The following DENND1A variants were observed in gnomAD, a reference collection of about 807,000 sequenced individuals.
DENND1A encodes DENN domain containing 1A.
A neutral mutation model predicts 113.7 loss-of-function variants in DENND1A; 51 were observed. That is an observed-to-expected ratio of 0.45 (90% CI 0.36 to 0.57). The LOEUF (loss-of-function observed/expected upper bound fraction) is 0.57, where lower values mean the gene tolerates loss of function less well. Among genes scored for constraint, DENND1A ranks in the 20% least tolerant of loss-of-function variants. The pLI, the probability that DENND1A is intolerant of heterozygous loss-of-function variation, is 0.00. For synonymous variants in DENND1A, 565 were observed against 570.8 expected (o/e 0.99, Z 0.14); for missense variants, 1,258 against 1,395.9 (o/e 0.90, Z 1.57).
At chr9:123,711,117 T>C (rs1023051687) in intron 5 of DENND1A, among the ~76,000 whole-genome samples, 3 of 152,142 alleles carry the variant, frequency 2.0e-5, no homozygotes, top group African/African-American at 7.2e-5. Context: ...AATATATACA[T>C]GTATCAAAAC....
intron 13 of DENND1A, among the ~76,000 whole-genome samples, chr9:123,473,982 CTTTCTTTTTTT>C (rs1393918981): frequency 1.5e-4 from 16 of 107,934 alleles, no homozygotes; most frequent in African/African-American, 6.2e-4. Flanking sequence ...CGTTTACTTT[CTTTCTTTTTTT>C]TTTTTTTTTT....
chr9:123,401,489 C>A, intron 21 of DENND1A: 1 of 1,199,908 alleles, frequency 8.3e-7, no homozygotes, highest in Non-Finnish European at 1.0e-6. Flanking sequence ...TGAAACGTAC[C>A]CCTCTGTCTC....
chr9:123,387,681 G>T (rs1324030440), intron 22 of DENND1A, 49 bp downstream of exon 22: 1 of 1,283,912 alleles, frequency 7.8e-7, no homozygotes, highest in African/African-American at 1.5e-5. Context: ...ATGCAGCCCC[G>T]CAGAGTCACC....
intron 2 of DENND1A, among the ~76,000 whole-genome samples, chr9:123,863,529 G>A (rs903782197): frequency 5.3e-5 from 8 of 151,338 alleles, no homozygotes; most frequent in Admixed American, 1.3e-4. Context: ...CTAATCCTTC[G>A]AACACTTGTT....
At chr9:123,734,531 T>A (rs1420001113) in intron 5 of DENND1A, among the ~76,000 whole-genome samples, 1 of 152,050 alleles carries the variant, frequency 6.6e-6, no homozygotes, top group Admixed American at 6.6e-5. Flanking sequence ...TTAGCCTAAG[T>A]CAAATAAGGC....
In DENND1A at chr9:123,811,090, G is replaced by A. The variant is rs191709179; in HGVS notation, c.89-18460C>T. Among the ~76,000 whole-genome samples, 71 of 152,180 alleles carry A rather than the reference G, an allele frequency of 4.7e-4. 1 individual carries two copies. The highest frequency in any genetic ancestry group is 1.6e-4 in the Non-Finnish European group (11 of 68,008). Reference sequence around the variant, plus strand: ...CTGAACCTTTTCATCCATCTTGCTTGAAGCCTGGACTAGACCCTGTTATGC... The same window carrying A: ...CTGAACCTTTTCATCCATCTTGCTTAAAGCCTGGACTAGACCCTGTTATGC... On this transcript the variant is annotated intron_variant, in intron 2 of 23. Transcript: ENST00000394215.
chr9:123,507,518 C>T (rs2053059145), intron 13 of DENND1A, among the ~76,000 whole-genome samples: 1 of 152,214 alleles, frequency 6.6e-6, no homozygotes, highest in African/African-American at 2.4e-5. Context: ...TACAAGTTCT[C>T]CCTCCCAAGT....
chr9:123,645,291 A>G (rs1400286837), intron 9 of DENND1A, among the ~76,000 whole-genome samples: 1 of 152,202 alleles, frequency 6.6e-6, no homozygotes, highest in Non-Finnish European at 1.5e-5. Context: ...TCTGAGGAGC[A>G]TTAAGCCTCC....
chr9:123,836,094 T>A (rs1357909019), intron 2 of DENND1A, among the ~76,000 whole-genome samples: 1 of 152,164 alleles, frequency 6.6e-6, no homozygotes, highest in East Asian at 1.9e-4. Flanking sequence ...ATGTTAAGTT[T>A]CAGGATAACA....
At chr9:123,608,576 A>G (rs1274435901) in intron 11 of DENND1A, among the ~76,000 whole-genome samples, 1 of 152,230 alleles carries the variant, frequency 6.6e-6, no homozygotes, top group Non-Finnish European at 1.5e-5. Flanking sequence ...AAAGCACAGA[A>G]AAGTCCTTTA....
intron 8 of DENND1A, among the ~76,000 whole-genome samples, chr9:123,652,987 A>G (rs2062740168): frequency 6.6e-6 from 1 of 152,178 alleles, no homozygotes; most frequent in African/African-American, 2.4e-5. Context: ...AATTTCTTCA[A>G]TGTTACAGGT....
At chr9:123,910,605 G>A (rs144173458) in intron 1 of DENND1A, among the ~76,000 whole-genome samples, 9 of 152,280 alleles carry the variant, frequency 5.9e-5, no homozygotes, top group African/African-American at 2.2e-4. Context: ...AGAAAGGAAA[G>A]GATCAATAAA....
Position 123,734,426 on chromosome 9 carries a change from G to C in DENND1A, c.302+23277C>G, listed in dbSNP as rs568475505. ...CCTTCAGATCCTGGGCCATGTGAAA[G>C]TGGGGAAAGTGCATGTCTCGGGGAT... On this transcript the variant is annotated intron_variant, in intron 5 of 23. Coordinates refer to ENST00000394215, the MANE Select transcript of DENND1A (RefSeq NM_001352964.2). Among the ~76,000 whole-genome samples, 3 of 152,236 alleles carry C rather than the reference G, an allele frequency of 2.0e-5. No individual in the cohort carries two copies. The East Asian group carries it at 5.8e-4, about 29-fold the overall frequency.
At position 123,384,049 on chromosome 9, in the gene DENND1A, C is replaced by A. The variant is rs1017373964; in HGVS notation, c.1761-136G>T. 44 of 1,210,718 alleles carry A rather than the reference C, an allele frequency of 3.6e-5. No homozygotes were observed. The Admixed American group carries it at 4.8e-4, about 13-fold the overall frequency. 75.0% of individuals were successfully genotyped at this position (1,210,718 alleles called of 1,614,324 possible). On this transcript the variant is annotated intron_variant, in intron 22 of 23. Transcript: ENST00000394215. ...GGGACAGGAGAGTGTCCCGGGGTCT[C>A]CGTGAGGGCAGGAGTCTGGGAGGCT...
At chr9:123,670,525 G>A (rs946397836) in intron 7 of DENND1A, among the ~76,000 whole-genome samples, 2 of 152,184 alleles carry the variant, frequency 1.3e-5, no homozygotes, top group East Asian at 1.9e-4. Context: ...GATCACTCAG[G>A]TCATTGGCAA....
At chr9:123,679,965 G>C (rs73580155) in intron 5 of DENND1A, among the ~76,000 whole-genome samples, 8,777 of 152,154 alleles carry the variant, frequency 0.058, 295 homozygotes, top group South Asian at 0.09. Context: ...GACTATGGTG[G>C]GCTCTGTCCA....
chr9:123,889,000 G>GTC (rs1554804316), intron 1 of DENND1A, among the ~76,000 whole-genome samples: 1 of 149,804 alleles, frequency 6.7e-6, no homozygotes, highest in African/African-American at 2.5e-5. Flanking sequence ...GTGTGTGTGT[G>GTC]TGTGTGTATT....
intron 18 of DENND1A, among the ~76,000 whole-genome samples, chr9:123,443,717 G>A (rs2047096606): frequency 6.6e-6 from 1 of 152,256 alleles, no homozygotes; most frequent in African/African-American, 2.4e-5. Flanking sequence ...CACTTTAGGG[G>A]GTCGAGGTGG....
intron 19 of DENND1A, among the ~76,000 whole-genome samples, chr9:123,412,826 T>G (rs896786569): frequency 6.6e-6 from 1 of 152,118 alleles, no homozygotes; most frequent in Admixed American, 6.5e-5. Flanking sequence ...ATTCCGTCAC[T>G]CAGGTCACAA....
Sources: gnomAD v4.1 joint callset for allele counts (sites outside exome capture counted in the v4.1 genomes callset) on GRCh38, gnomAD v4.1.1 for gene constraint, MANE v1.5 for transcripts, NCBI Gene and HGNC (gene_info 2026-07-23, HGNC 2026-07-21) for gene names.